DUSP3: variants seen among roughly 807,000 people sequenced by gnomAD.
DUSP3 encodes dual specificity phosphatase 3.
Under a neutral mutation model 15.5 loss-of-function variants are expected in DUSP3, and 7 were observed. The observed-to-expected ratio is 0.45, with a 90% CI of 0.26 to 0.85. DUSP3 has a LOEUF of 0.85. Among genes scored for constraint, DUSP3 ranks in the 40% least tolerant of loss-of-function variants. DUSP3 has a pLI of 0.18. For synonymous variants in DUSP3, 86 were observed against 104.2 expected, an observed-to-expected ratio of 0.83 and a Z score of 1.07; for missense variants, 209 against 251.7, an observed-to-expected ratio of 0.83 and a Z score of 1.15.
chr17:43,769,620 AC>A lies in DUSP3; in HGVS notation c.546del (p.Lys182AsnfsTer2). On this transcript the variant is annotated frameshift_variant, in exon 3 of 3. Coordinates refer to ENST00000226004, the MANE Select transcript of DUSP3 (RefSeq NM_004090.4). LOFTEE classifies it high-confidence loss of function. ...GTGGTGGGGGTGCCCTAGGGTTTCA[AC>A]TTCCCCTCCTTGGCTAGTCTGTCAT... ...QLNDRLAKEG[K>X]LKP 1 of 1,611,654 alleles carries A rather than the reference AC, an allele frequency of 6.2e-7. No homozygotes were observed. The highest frequency in any genetic ancestry group is 8.5e-7 in the Non-Finnish European group (1 of 1,179,674).
intron 1 of DUSP3, chr17:43,778,161 A>T (rs1974412894): frequency 6.5e-6 from 1 of 152,710 alleles, no homozygotes; most frequent in Admixed American, 6.6e-5. Context: ...AAAGGTCAAG[A>T]GCCTTTTCTA....
Position 43,769,607 on chromosome 17 carries a change from C to A in DUSP3, c.*2G>T, listed in dbSNP as rs1188268625. The A allele has an allele frequency of 6.2e-7, 1 of 1,611,010 alleles. No individual in the cohort carries two copies. The highest frequency in any genetic ancestry group is 1.7e-5 in the Admixed American group (1 of 59,716). On this transcript the variant is annotated 3_prime_UTR_variant, in exon 3 of 3. Coordinates refer to ENST00000226004, the MANE Select transcript of DUSP3 (RefSeq NM_004090.4). ...CTCTCGAGCAGAGGTGGTGGGGGTGCCCTAGGGTTTCAACTTCCCCTCCTT... is the reference window on the plus strand; with the variant it reads ...CTCTCGAGCAGAGGTGGTGGGGGTGACCTAGGGTTTCAACTTCCCCTCCTT...
chr17:43,769,270 G>T lies in DUSP3; in HGVS notation c.*339C>A. On this transcript the variant is annotated 3_prime_UTR_variant, in exon 3 of 3. Transcript: ENST00000226004. ...GGGAGGTCATGAGGGACCTCTGTGA[G>T]CATCTTAGGCCTTACACTTCCACAC... is the stretch of plus-strand genomic sequence containing the variant. The T allele has an allele frequency of 1.1e-5, 3 of 282,324 alleles. No individual in the cohort carries two copies. In the South Asian group the frequency reaches 1.4e-4, roughly 13 times the overall value. 17.5% of individuals were successfully genotyped at this position (282,324 alleles called of 1,614,324 possible).
At chr17:43,770,972 GT>G (rs1974310077) in intron 2 of DUSP3, among the ~76,000 whole-genome samples, 1 of 143,714 alleles carries the variant, frequency 7.0e-6, no homozygotes, top group Admixed American at 7.2e-5. Context: ...AATATAGTGT[GT>G]GTGTGCGTGT....
At chr17:43,770,365 A>G (rs1364291825) in intron 2 of DUSP3, among the ~76,000 whole-genome samples, 6 of 152,218 alleles carry the variant, frequency 3.9e-5, no homozygotes, top group African/African-American at 1.4e-4. Context: ...TGCTGTCAGA[A>G]GCCTGCAAGG....
At chr17:43,774,648 G>A (rs1347407071) in intron 2 of DUSP3, 64 bp downstream of exon 2, 1 of 1,573,472 alleles carries the variant, frequency 6.4e-7, no homozygotes, top group Non-Finnish European at 8.7e-7. Flanking sequence ...TTGTGGGCCT[G>A]TTTTCCAGAG....
At chr17:43,770,096 C>G (rs1305426919) in intron 2 of DUSP3, among the ~76,000 whole-genome samples, 1 of 152,160 alleles carries the variant, frequency 6.6e-6, no homozygotes, top group African/African-American at 2.4e-5. Context: ...ACACGTGCAT[C>G]CCCTCTGGCC....
At chr17:43,775,651 C>T (rs774345363) in intron 1 of DUSP3, among the ~76,000 whole-genome samples, 2 of 152,128 alleles carry the variant, frequency 1.3e-5, no homozygotes, top group Admixed American at 6.5e-5. Context: ...AATAAATAAG[C>T]GGTGAATGAG....
rs1290529242 is a variant in DUSP3 at position 43,768,324 on chromosome 17, T to C, written c.*1285A>G. 3 of 152,222 alleles carry C rather than the reference T, an allele frequency of 2.0e-5. No individual in the cohort carries two copies. Among genetic ancestry groups the C allele is most frequent in the Non-Finnish European group, 4.4e-5 (3 of 68,044 alleles). The allele number at this position is 152,222 out of a possible 1,614,324, so 9.4% of individuals were successfully genotyped here. On this transcript the variant is annotated 3_prime_UTR_variant, in exon 3 of 3. Transcript: ENST00000226004. Reference sequence around the variant, plus strand: ...GACTGTATTTAAAACAAAACTCTTATATTCTGGCAAATGTGCATACACATG... The same window carrying C: ...GACTGTATTTAAAACAAAACTCTTACATTCTGGCAAATGTGCATACACATG...
chr17:43,778,506 C>T (rs1974418219), intron 1 of DUSP3, among the ~76,000 whole-genome samples: 1 of 152,200 alleles, frequency 6.6e-6, no homozygotes, highest in Non-Finnish European at 1.5e-5. Context: ...CGACCCCGCC[C>T]AAGGCCAAGC....
chr17:43,767,350 G>A lies in DUSP3; in HGVS notation c.*2259C>T, dbSNP rs1461438079. On this transcript the variant is annotated 3_prime_UTR_variant, in exon 3 of 3. Transcript: ENST00000226004. Reference sequence around the variant, plus strand: ...GTGCTACATCCCACCTGGAGAAAGAGCTGCACATTCTAGCCTATGAGGGAC... The same window carrying A: ...GTGCTACATCCCACCTGGAGAAAGAACTGCACATTCTAGCCTATGAGGGAC... 2 of 152,668 alleles carry A rather than the reference G, an allele frequency of 1.3e-5. No homozygotes were observed. Among genetic ancestry groups the A allele is most frequent in the Non-Finnish European group, 2.9e-5 (2 of 68,108 alleles). The allele number at this position is 152,668 out of a possible 1,614,324, so 9.5% of individuals were successfully genotyped here.
At position 43,769,042 on chromosome 17, in the gene DUSP3, T is replaced by C. The variant is rs1974276770; in HGVS notation, c.*567A>G. 6.5e-6 allele frequency: 1 copy of C among 152,942 alleles called. No homozygotes were observed. The highest frequency in any genetic ancestry group is 6.5e-5 in the Admixed American group (1 of 15,294). 9.5% of individuals were successfully genotyped at this position (152,942 alleles called of 1,614,324 possible). ...TGCAGCCTTGCTGTGGGAATCTCCA[T>C]CCACTAATAACTGACGGACACCCCC... On this transcript the variant is annotated 3_prime_UTR_variant, in exon 3 of 3. Transcript: ENST00000226004.
In DUSP3 at chr17:43,774,739, T is replaced by C. The variant is rs751046817; in HGVS notation, c.325A>G (p.Ile109Val). The C allele has an allele frequency of 2.3e-5, 37 of 1,614,102 alleles. 1 individual carries two copies. In the South Asian group the frequency reaches 3.0e-4, roughly 13 times the overall value. The change falls in exon 2 of 3, where the codon ATT becomes GTT. Residue 109 changes from isoleucine (I) to valine (V), a missense_variant. Ile to Val is a conservative substitution (Grantham distance 29, BLOSUM62 3). Coordinates refer to ENST00000226004, the MANE Select transcript of DUSP3 (RefSeq NM_004090.4). ...SAYFERAADF[I>V]DQALAQKNGR... ...TTCTTTTGAGCCAAAGCCTGGTCAA[T>C]GAAGTCGGCAGCCCTTTCAAAGTAA...
chr17:43,775,021 C>T, intron 1 of DUSP3, 83 bp from the exon 2 acceptor site: 1 of 1,423,316 alleles, frequency 7.0e-7, no homozygotes, highest in South Asian at 1.2e-5. Flanking sequence ...ATTTAAGCCT[C>T]TTAGCAAAGC....
At chr17:43,778,709 A>G in intron 1 of DUSP3, 91 bp downstream of exon 1, 4 of 1,369,614 alleles carry the variant, frequency 2.9e-6, no homozygotes, top group Non-Finnish European at 2.8e-6. Context: ...GGGCTCCCCC[A>G]ACCCAAGACT....
chr17:43,774,778 ACTC>A lies in DUSP3; in HGVS notation c.283_285del (p.Glu95del). The A allele has an allele frequency of 1.2e-6, 2 of 1,613,372 alleles. No individual in the cohort carries two copies. Among genetic ancestry groups the A allele is most frequent in the East Asian group, 2.2e-5 (1 of 44,848 alleles). ...CTTTCAAAGTAAGCGCTGAGGTTGA[ACTC>A]CTGTGTGTCGTTGGCCTTGATGCCC... On this transcript the variant is annotated inframe_deletion, in exon 2 of 3. Coordinates refer to ENST00000226004, the MANE Select transcript of DUSP3 (RefSeq NM_004090.4).
At chr17:43,771,075 G>A (rs972649393) in intron 2 of DUSP3, among the ~76,000 whole-genome samples, 1 of 150,714 alleles carries the variant, frequency 6.6e-6, no homozygotes, top group Non-Finnish European at 1.5e-5. Context: ...ATATCCACAG[G>A]GCAGATTGGC....
rs1443280069 is a variant in DUSP3, at chr17:43,769,610, T to A, written c.557A>T (p.Ter186LeuextTer76). The A allele has an allele frequency of 6.2e-7, 1 of 1,611,174 alleles. No homozygotes were observed. Among genetic ancestry groups the A allele is most frequent in the African/African-American group, 1.3e-5 (1 of 74,814 alleles). Residue 186 changes from the stop codon to leucine (L), a stop_lost, in exon 3 of 3, where the codon TAG (stop) becomes TTG (leucine). Coordinates refer to ENST00000226004, the MANE Select transcript of DUSP3 (RefSeq NM_004090.4). The part of the protein sequence containing the change: ...RLAKEGKLKP[*>L] ...TCGAGCAGAGGTGGTGGGGGTGCCC[T>A]AGGGTTTCAACTTCCCCTCCTTGGC...
In DUSP3 at chr17:43,774,762, T is replaced by C. The variant is rs753173506; in HGVS notation, c.302A>G (p.Tyr101Cys). 3 of 1,614,194 alleles carry C rather than the reference T, an allele frequency of 1.9e-6. No homozygotes were observed. Among genetic ancestry groups the C allele is most frequent in the South Asian group, 1.1e-5 (1 of 91,088 alleles). Reference protein sequence around the residue: ...NDTQEFNLSAYFERAADFIDQ... With the variant: ...NDTQEFNLSACFERAADFIDQ... ...AATGAAGTCGGCAGCCCTTTCAAAG[T>C]AAGCGCTGAGGTTGAACTCCTGTGT... Residue 101 changes from tyrosine (Y) to cysteine (C), a missense_variant, in exon 2 of 3, where the codon TAC (tyrosine) becomes TGC (cysteine). Physicochemically the swap from Tyr to Cys is radical, Grantham distance 194. Transcript: ENST00000226004.
Sources: allele counts gnomAD v4.1 joint callset (sites outside exome capture counted in the v4.1 genomes callset), GRCh38; gene constraint gnomAD v4.1.1; transcripts MANE v1.5; gene names NCBI Gene and HGNC (gene_info 2026-07-23, HGNC 2026-07-21).